Variants in RBFOX1 observed in about 807,000 individuals in gnomAD.
RBFOX1 encodes the protein RNA binding protein fox-1 homolog 1.
RBFOX1 carries 8 observed loss-of-function variants against 57.7 expected under a neutral mutation model. That is an observed-to-expected ratio of 0.14 (90% CI 0.08 to 0.25). RBFOX1 has a LOEUF of 0.25. Among genes scored for constraint, RBFOX1 ranks in the 10% least tolerant of loss-of-function variants. The pLI, the probability that RBFOX1 is intolerant of heterozygous loss-of-function variation, is 1.00. For missense variants in RBFOX1, 611 were observed against 548.5 expected (o/e 1.11, Z -1.14); for synonymous variants, 326 against 222.4 (o/e 1.47, Z -4.15).
chr16:7,050,167 G>T (rs1365074578), intron 3 of RBFOX1, among the ~76,000 whole-genome samples: 1 of 145,054 alleles, frequency 6.9e-6, no homozygotes, highest in Non-Finnish European at 1.5e-5. Context: ...TTTTTTTTTG[G>T]ATATTTATAG....
In RBFOX1 at chr16:5,719,145, A is replaced by G. The variant is rs191998857; in HGVS notation, c.318+120184A>G. On this transcript the variant is annotated intron_variant, in intron 3 of 19. Coordinates refer to the RBFOX1 transcript ENST00000641259. ...TTATCCATTAAACGCATATAACCCA[A>G]TAGGCTTAGCGTATCTACGGAGTTG... Among the ~76,000 whole-genome samples, 1,056 of 152,042 alleles carry G rather than the reference A, an allele frequency of 6.9e-3. 15 individuals carry two copies. Among genetic ancestry groups the G allele is most frequent in the African/African-American group, 0.025 (1,018 of 41,504 alleles).
chr16:5,296,637 C>T (rs964945122), intron 1 of RBFOX1, among the ~76,000 whole-genome samples: 1 of 151,254 alleles, frequency 6.6e-6, no homozygotes, highest in Admixed American at 6.6e-5. Context: ...TTCTTTTCCC[C>T]TCCTGCTGCT....
chr16:6,019,181 C>G lies in RBFOX1; in HGVS notation c.-938C>G. 1 of 985,262 alleles carries G rather than the reference C, an allele frequency of 1.0e-6. No homozygotes were observed. Among genetic ancestry groups the G allele is most frequent in the Non-Finnish European group, 1.2e-6 (1 of 829,994 alleles). 61.0% of individuals were successfully genotyped at this position (985,262 alleles called of 1,614,324 possible). A position where few individuals can be genotyped will look rare whatever the true frequency, so the allele number is the denominator to read the frequency against. ...AATCTATATTTTTACTGGAAGATTTCCTCTTTATTCTCTCCCGCCCTCCTA... is the reference window on the plus strand; with the variant it reads ...AATCTATATTTTTACTGGAAGATTTGCTCTTTATTCTCTCCCGCCCTCCTA... On this transcript the variant is annotated 5_prime_UTR_variant, in exon 1 of 16. Transcript: ENST00000550418. The surrounding 1 kb of genome is among the most constrained non-coding windows in gnomAD (Gnocchi z 4.2).
At chr16:6,084,295 G>C (rs562567670) in intron 1 of RBFOX1, among the ~76,000 whole-genome samples, 1 of 152,072 alleles carries the variant, frequency 6.6e-6, no homozygotes, top group East Asian at 1.9e-4. Context: ...CCAGGCTGGA[G>C]AGCAGTGATA....
At chr16:7,136,201 C>G (rs1040799751) in intron 4 of RBFOX1, among the ~76,000 whole-genome samples, 2 of 152,122 alleles carry the variant, frequency 1.3e-5, no homozygotes, top group African/African-American at 2.4e-5. Context: ...AGAATAAAGG[C>G]TAGTTCTTTG....
chr16:6,724,240 A>G (rs1466951276), intron 3 of RBFOX1, among the ~76,000 whole-genome samples: 3 of 126,582 alleles, frequency 2.4e-5, no homozygotes, highest in Non-Finnish European at 4.9e-5. Context: ...TTGGAGTTTC[A>G]CTCTTGTCAC....
At chr16:7,521,964 A>C (rs2077599793) in intron 5 of RBFOX1, among the ~76,000 whole-genome samples, 1 of 152,006 alleles carries the variant, frequency 6.6e-6, no homozygotes, top group South Asian at 2.1e-4. Context: ...TCCAGTCACC[A>C]CCTGTGAAAA....
At chr16:7,665,948 T>C (rs2069122139) in intron 13 of RBFOX1, among the ~76,000 whole-genome samples, 1 of 152,246 alleles carries the variant, frequency 6.6e-6, no homozygotes, top group South Asian at 2.1e-4. Flanking sequence ...AATAATAGAC[T>C]TAGTTGAGTT....
At chr16:5,666,143 C>G (rs954131243) in intron 3 of RBFOX1, among the ~76,000 whole-genome samples, 1 of 152,222 alleles carries the variant, frequency 6.6e-6, no homozygotes, top group Non-Finnish European at 1.5e-5. Flanking sequence ...GGAGCCTTTA[C>G]AAGCCACATT....
rs9941227 is a variant in RBFOX1, at chr16:7,170,005, C to T, written c.27+117907C>T. Among the ~76,000 whole-genome samples, 1,074 of 152,240 alleles carry T rather than the reference C, an allele frequency of 7.1e-3. 16 individuals are homozygous for T. Among genetic ancestry groups the T allele is most frequent in the African/African-American group, 0.025 (1,031 of 41,550 alleles). ...GGAGGATCACTTGAGCCTGGGGAGG[C>T]AGAGGTTGCAGTGAACCAAGATTGT... On this transcript the variant is annotated intron_variant, in intron 4 of 15. Coordinates refer to ENST00000550418, the MANE Select transcript of RBFOX1 (RefSeq NM_018723.4).
rs1028101085 is a variant in RBFOX1, at chr16:5,946,512, A to G, written c.351+79177A>G. Among the ~76,000 whole-genome samples, 1 of 152,126 alleles carries G rather than the reference A, an allele frequency of 6.6e-6. No individual in the cohort carries two copies. ...TCATGGTGGGGTGCCTGGAGAGGAC[A>G]TGGAAGTTCTACGCCCTTCCCCGTA... On this transcript the variant is annotated intron_variant, in intron 4 of 19. Coordinates refer to the RBFOX1 transcript ENST00000641259. This position sits in a 1 kb window ranked among gnomAD's most constrained non-coding sequence, Gnocchi z 4.6.
At chr16:6,908,432 C>CTCTGG (rs981620486) in intron 3 of RBFOX1, among the ~76,000 whole-genome samples, 4 of 146,144 alleles carry the variant, frequency 2.7e-5, no homozygotes, top group Non-Finnish European at 4.7e-5. Context: ...CCACTGATAC[C>CTCTGG]TCTGGCCTCT....
intron 1 of RBFOX1, among the ~76,000 whole-genome samples, chr16:6,066,625 C>T (rs1192665923): frequency 6.6e-6 from 1 of 152,094 alleles, no homozygotes; most frequent in Non-Finnish European, 1.5e-5. Flanking sequence ...CTCATTATGC[C>T]AGAATTTGGA....
At chr16:6,437,737 C>T (rs2094276524) in intron 2 of RBFOX1, among the ~76,000 whole-genome samples, 1 of 152,186 alleles carries the variant, frequency 6.6e-6, no homozygotes, top group South Asian at 2.1e-4. Flanking sequence ...AGCACATCTT[C>T]ACATGGTGGC....
chr16:7,007,237 G>C (rs139028260), intron 3 of RBFOX1, among the ~76,000 whole-genome samples: 1 of 152,282 alleles, frequency 6.6e-6, no homozygotes, highest in East Asian at 1.9e-4. Flanking sequence ...GCTTCTCTTA[G>C]ATCCTGGGAG....
chr16:7,041,524 G>A (rs1028665327), intron 3 of RBFOX1, among the ~76,000 whole-genome samples: 5 of 152,084 alleles, frequency 3.3e-5, no homozygotes, highest in East Asian at 3.8e-4. Flanking sequence ...CTCATTCGCC[G>A]TTGCACTCTG....
At chr16:6,310,662 C>T (rs1219886174) in intron 1 of RBFOX1, among the ~76,000 whole-genome samples, 1 of 152,142 alleles carries the variant, frequency 6.6e-6, no homozygotes, top group Non-Finnish European at 1.5e-5. Flanking sequence ...TGTAGGATGT[C>T]AAACTATTTG....
chr16:5,440,706 G>A (rs1229044905), intron 1 of RBFOX1, among the ~76,000 whole-genome samples: 1 of 152,174 alleles, frequency 6.6e-6, no homozygotes, highest in Admixed American at 6.6e-5. Context: ...CAAGGAAGCT[G>A]AGTATATATT....
Position 6,137,966 on chromosome 16 carries a change from G to C in RBFOX1, c.-127+117974G>C, listed in dbSNP as rs147644024. On this transcript the variant is annotated intron_variant, in intron 1 of 15. Coordinates refer to ENST00000550418, the MANE Select transcript of RBFOX1 (RefSeq NM_018723.4). The stretch of plus-strand genomic sequence containing the variant: ...TCCATTTTATATGCAACTAAACTGA[G>C]GTTCAGTTATGTTAAGTACCTTTTC... Among the ~76,000 whole-genome samples the C allele has an allele frequency of 6.6e-4, 101 of 152,212 alleles. No individual in the cohort carries two copies. In the East Asian group the frequency reaches 0.018, roughly 27 times the overall value.
Sources: allele counts gnomAD v4.1 joint callset (sites outside exome capture counted in the v4.1 genomes callset), GRCh38; gene constraint gnomAD v4.1.1; non-coding constraint Gnocchi (gnomAD v3.1); transcripts MANE v1.5; gene names NCBI Gene and HGNC (gene_info 2026-07-23, HGNC 2026-07-21).